Variants in NRXN3 observed in about 807,000 individuals in gnomAD.
The protein encoded by NRXN3 is neurexin 3, also known as neurexin III.
In NRXN3, 32 loss-of-function variants were observed where a neutral mutation model predicts 137.6. The ratio of observed to expected loss-of-function variants is 0.23; its 90% CI spans 0.18 to 0.31. The LOEUF (loss-of-function observed/expected upper bound fraction) is 0.31. Ranked by LOEUF, NRXN3 falls within the 10% of genes least tolerant of loss-of-function variation. The probability of loss-of-function intolerance (pLI) is 1.00; values close to 1 mark genes in which losing one functional copy is unlikely to be tolerated. For synonymous variants in NRXN3, 798 were observed against 784.5 expected (o/e 1.02, Z -0.29); for missense variants, 1,574 against 2,062.5 (o/e 0.76, Z 4.59).
At chr14:79,426,066 G>A (rs2095650824) in intron 15 of NRXN3, among the ~76,000 whole-genome samples, 1 of 152,116 alleles carries the variant, frequency 6.6e-6, no homozygotes, top group African/African-American at 2.4e-5. Context: ...GCATCCAAGG[G>A]TGGTCTAGGT....
intron 8 of NRXN3, among the ~76,000 whole-genome samples, chr14:78,768,356 G>A (rs113721059): frequency 4.6e-5 from 7 of 152,198 alleles, no homozygotes; most frequent in African/African-American, 1.7e-4. Context: ...TTAAGTTAGA[G>A]AAAAACAAAA....
intron 6 of NRXN3, among the ~76,000 whole-genome samples, chr14:78,663,298 A>G (rs958302728): frequency 5.9e-5 from 9 of 152,196 alleles, no homozygotes; most frequent in South Asian, 2.1e-4. Context: ...TAGAGTCTCT[A>G]CTTCATAGGA....
chr14:78,680,329 A>G (rs2098061212), intron 6 of NRXN3, among the ~76,000 whole-genome samples: 1 of 152,184 alleles, frequency 6.6e-6, no homozygotes, highest in South Asian at 2.1e-4. Context: ...TCCCCATGAC[A>G]CAAGTTTACC....
At chr14:78,625,228 G>A (rs1320658814) in intron 4 of NRXN3, among the ~76,000 whole-genome samples, 1 of 152,132 alleles carries the variant, frequency 6.6e-6, no homozygotes, top group Non-Finnish European at 1.5e-5. Flanking sequence ...TTTTAAAATT[G>A]TACTGGAATC....
intron 11 of NRXN3, among the ~76,000 whole-genome samples, chr14:78,957,607 G>C (rs1181134211): frequency 6.6e-6 from 1 of 152,120 alleles, no homozygotes; most frequent in Non-Finnish European, 1.5e-5. Context: ...TCTCTCCTTA[G>C]GCGTAGAGTA....
At chr14:79,203,481 T>C (rs981587844) in intron 15 of NRXN3, among the ~76,000 whole-genome samples, 1 of 152,192 alleles carries the variant, frequency 6.6e-6, no homozygotes, top group African/African-American at 2.4e-5. Context: ...CACCCCTACA[T>C]ATGCCCCATC....
At chr14:78,644,933 A>G (rs1287236959) in intron 4 of NRXN3, among the ~76,000 whole-genome samples, 187 bp from the exon 5 acceptor site, 1 of 152,208 alleles carries the variant, frequency 6.6e-6, no homozygotes, top group Non-Finnish European at 1.5e-5. Flanking sequence ...GTTTCTCTGC[A>G]GTCACCCCTG....
chr14:79,413,975 A>C (rs2153520071), intron 15 of NRXN3, among the ~76,000 whole-genome samples: 1 of 152,042 alleles, frequency 6.6e-6, no homozygotes, highest in African/African-American at 2.4e-5. Context: ...GGCCTGCAAA[A>C]CCTGTGATAT....
At chr14:79,243,780 A>G (rs2074703320) in intron 15 of NRXN3, among the ~76,000 whole-genome samples, 1 of 152,088 alleles carries the variant, frequency 6.6e-6, no homozygotes, top group Non-Finnish European at 1.5e-5. Flanking sequence ...GATAGCAAAA[A>G]CATGGTATTG....
chr14:78,592,879 T>C (rs1162481571), intron 4 of NRXN3, among the ~76,000 whole-genome samples: 2 of 152,234 alleles, frequency 1.3e-5, no homozygotes, highest in African/African-American at 4.8e-5. Flanking sequence ...ACAGTTAATC[T>C]GTAGTAGGAC....
chr14:78,915,958 T>A (rs769128354), intron 10 of NRXN3, among the ~76,000 whole-genome samples: 24 of 152,268 alleles, frequency 1.6e-4, no homozygotes, highest in Admixed American at 3.9e-4. Context: ...GACTGGTGTC[T>A]TTGTAAGAAG....
intron 15 of NRXN3, among the ~76,000 whole-genome samples, chr14:79,147,182 C>A (rs1403683323): frequency 2.0e-5 from 3 of 152,202 alleles, no homozygotes; most frequent in African/African-American, 4.8e-5. Context: ...TTTCTCTTAA[C>A]CCTGCAGTGA....
intron 1 of NRXN3, among the ~76,000 whole-genome samples, chr14:78,222,014 A>G (rs1166500751): frequency 6.6e-6 from 1 of 152,186 alleles, no homozygotes; most frequent in Non-Finnish European, 1.5e-5. Flanking sequence ...GAAGAGGAAG[A>G]GAGGTGGGGT....
intron 7 of NRXN3, among the ~76,000 whole-genome samples, chr14:78,711,175 TTG>T (rs2098404098): frequency 1.3e-5 from 2 of 151,728 alleles, no homozygotes; most frequent in Admixed American, 6.6e-5. Flanking sequence ...TGGACGGGTT[TTG>T]TGTCTGACTA....
intron 4 of NRXN3, among the ~76,000 whole-genome samples, chr14:78,497,608 ATCCATCCATCCATCCATCTATCCATCTG>A (rs1203201679): frequency 6.1e-4 from 93 of 152,040 alleles, no homozygotes; most frequent in Admixed American, 2.6e-3. Context: ...CCATCCATCC[ATCCATCCATCCATCCATCTATCCATCTG>A]TCCACCCATC....
intron 10 of NRXN3, among the ~76,000 whole-genome samples, chr14:78,848,840 G>T (rs542528419): frequency 6.6e-6 from 1 of 152,058 alleles, no homozygotes; most frequent in Non-Finnish European, 1.5e-5. Context: ...TAGCTGGGAG[G>T]AGTTGCTGGA....
chr14:79,531,305 C>T (rs993502311), intron 16 of NRXN3, among the ~76,000 whole-genome samples: 3 of 152,104 alleles, frequency 2.0e-5, no homozygotes, highest in South Asian at 2.1e-4. Flanking sequence ...CCATGGAGGA[C>T]GTGGAGTTTG....
intron 8 of NRXN3, among the ~76,000 whole-genome samples, chr14:78,739,887 C>T (rs2098557010): frequency 1.3e-5 from 2 of 152,170 alleles, no homozygotes; most frequent in South Asian, 4.1e-4. Flanking sequence ...TACTTTCTCT[C>T]AGAACAAGGG....
At chr14:79,664,062 C>T (rs1010925955) in intron 17 of NRXN3, 113 bp downstream of exon 17, 6 of 1,067,662 alleles carry the variant, frequency 5.6e-6, no homozygotes, top group Non-Finnish European at 8.3e-6. Context: ...GTGAAGTACA[C>T]ATTCATGATT....
Sources: allele counts gnomAD v4.1 joint callset (sites outside exome capture counted in the v4.1 genomes callset), GRCh38; gene constraint gnomAD v4.1.1; transcripts MANE v1.5; gene names NCBI Gene and HGNC (gene_info 2026-07-23, HGNC 2026-07-21).